The following HAUS4 variants were observed in gnomAD, a reference collection of about 807,000 sequenced individuals.
The protein encoded by HAUS4 is HAUS augmin like complex subunit 4, also known as HAUS augmin-like complex subunit 4.
HAUS4 carries 34 observed loss-of-function variants against 50.6 expected under a neutral mutation model. The ratio of observed to expected loss-of-function variants is 0.67; its 90% CI spans 0.51 to 0.90. HAUS4 has a LOEUF of 0.90. Among genes scored for constraint, HAUS4 ranks in the 40% least tolerant of loss-of-function variants. HAUS4 has a pLI of 0.00. For missense variants in HAUS4, 370 were observed against 428.7 expected (o/e 0.86, Z 1.21); for synonymous variants, 149 against 161.4 (o/e 0.92, Z 0.58).
intron 6 of HAUS4, among the ~76,000 whole-genome samples, chr14:22,949,445 C>T (rs1302103984): frequency 7.0e-6 from 1 of 143,510 alleles, no homozygotes; most frequent in Non-Finnish European, 1.5e-5. Context: ...AGGAGAATGG[C>T]GTGAACCTAG....
At chr14:22,948,094 T>A in intron 6 of HAUS4, 81 bp from the exon 7 acceptor site, 1 of 1,334,772 alleles carries the variant, frequency 7.5e-7, no homozygotes, top group Non-Finnish European at 1.0e-6. Context: ...GCCCCTATCC[T>A]GTATCTAGAC....
intron 5 of HAUS4, 107 bp from the exon 6 acceptor site, chr14:22,950,517 A>C (rs528886824): frequency 1.6e-6 from 1 of 625,130 alleles, no homozygotes; most frequent in South Asian, 1.9e-5. Flanking sequence ...AAGAAAATGC[A>C]TCAAGAGACA....
chr14:22,946,683 G>A lies in HAUS4; in HGVS notation c.934C>T (p.Leu312=). 6.2e-7 allele frequency: 1 copy of A among 1,612,766 alleles called. No homozygotes were observed. The highest frequency in any genetic ancestry group is 8.5e-7 in the Non-Finnish European group (1 of 1,179,184). ...GAGTTCTCCATGTCCTGCTCCTGTA[G>A]GTGAATGGCTCCCTCCAAACGGTCC... is the stretch of plus-strand genomic sequence containing the variant. ...IRDRLEGAIH[L]QEQDMENSRQ... The change falls in exon 10 of 10, where the codon CTA becomes TTA. Residue 312 remains leucine, a synonymous_variant. Coordinates refer to ENST00000541587, the MANE Select transcript of HAUS4 (RefSeq NM_001166269.2).
intron 1 of HAUS4, among the ~76,000 whole-genome samples, chr14:22,955,892 T>A (rs1159203056): frequency 6.6e-6 from 1 of 151,924 alleles, no homozygotes; most frequent in Non-Finnish European, 1.5e-5. Context: ...TGGAGTGCGC[T>A]GAAAGGAATG....
At chr14:22,955,296 C>T (rs1165737855) in intron 1 of HAUS4, 120 bp from the exon 2 acceptor site, 11 of 733,480 alleles carry the variant, frequency 1.5e-5, no homozygotes, top group Non-Finnish European at 2.7e-5. Context: ...TCAAGGATGA[C>T]TTTTACAGAG....
Position 22,951,505 on chromosome 14 carries a change from G to T in HAUS4, c.465+50C>A, listed in dbSNP as rs201746840. On this transcript the variant is annotated intron_variant, in intron 5 of 9. Coordinates refer to ENST00000541587, the MANE Select transcript of HAUS4 (RefSeq NM_001166269.2). ...ACAAAAAAAACATTTTAAAGATATG[G>T]GAGAAATTAAACCATTTCATTTATT... 3.1e-6 allele frequency: 5 copies of T among 1,590,280 alleles called. No homozygotes were observed. In the East Asian group the frequency reaches 6.7e-5, roughly 21 times the overall value.
Position 22,946,376 on chromosome 14 carries a change from A to G in HAUS4, c.*149T>C, listed in dbSNP as rs1477499436. 6.2e-5 allele frequency: 31 copies of G among 498,606 alleles called. No individual in the cohort carries two copies. The East Asian group carries it at 9.8e-4, about 16-fold the overall frequency. 30.9% of individuals were successfully genotyped at this position (498,606 alleles called of 1,614,324 possible). ...TCATAAAAAATAAAGAGAAACCAGGAGAGTGCCTAAATGACTGCAGTGTTT... is the reference window on the plus strand; with the variant it reads ...TCATAAAAAATAAAGAGAAACCAGGGGAGTGCCTAAATGACTGCAGTGTTT... On this transcript the variant is annotated 3_prime_UTR_variant, in exon 10 of 10. Transcript: ENST00000541587.
chr14:22,948,583 C>T (rs12717427), intron 6 of HAUS4, among the ~76,000 whole-genome samples: 71,755 of 151,274 alleles, frequency 0.47, 18,634 homozygotes, highest in East Asian at 0.79. Flanking sequence ...TCACCTCGGC[C>T]GGAGTGCAGT....
intron 4 of HAUS4, 83 bp downstream of exon 4, chr14:22,952,245 T>G: frequency 1.8e-6 from 2 of 1,126,982 alleles, no homozygotes; most frequent in Non-Finnish European, 2.6e-6. Flanking sequence ...CTCAAACTCT[T>G]GACCTCAAGT....
At position 22,950,556 on chromosome 14, in the gene HAUS4, A is replaced by G. The variant is rs2044734601; in HGVS notation, c.466-146T>C. The G allele has an allele frequency of 1.6e-5, 9 of 575,726 alleles. No individual in the cohort carries two copies. In the South Asian group the frequency reaches 1.9e-4, roughly 12 times the overall value. The allele number at this position is 575,726 out of a possible 1,614,324, so 35.7% of individuals were successfully genotyped here. A position where few individuals can be genotyped will look rare whatever the true frequency, so the allele number is the denominator to read the frequency against. On this transcript the variant is annotated intron_variant, in intron 5 of 9. Coordinates refer to ENST00000541587, the MANE Select transcript of HAUS4 (RefSeq NM_001166269.2). ...GAGAGACTCATTTTTCACCTATCAA[A>G]TTAGCGAAGAATAAAATGACTGTCA...
rs1462172695 is a variant in HAUS4 at position 22,947,589 on chromosome 14, G to T, written c.839+12C>A. 1 of 1,613,860 alleles carries T rather than the reference G, an allele frequency of 6.2e-7. No homozygotes were observed. Among genetic ancestry groups the T allele is most frequent in the Non-Finnish European group, 8.5e-7 (1 of 1,179,854 alleles). On this transcript the variant is annotated intron_variant, in intron 8 of 9. Transcript: ENST00000541587. ...ACAGAATCCCTTAAGATCCACAGGGGTCACAGCTCACCTCAGCTTAAGGAT... is the reference window on the plus strand; with the variant it reads ...ACAGAATCCCTTAAGATCCACAGGGTTCACAGCTCACCTCAGCTTAAGGAT...
rs2044645649 is a variant in HAUS4, at chr14:22,946,556, G to A, written c.1061C>T (p.Ala354Val). 1 of 1,613,822 alleles carries A rather than the reference G, an allele frequency of 6.2e-7. No individual in the cohort carries two copies. The highest frequency in any genetic ancestry group is 1.1e-5 in the South Asian group (1 of 91,048). The change falls in exon 10 of 10, where the codon GCC becomes GTC. Residue 354 changes from alanine (A) to valine (V), a missense_variant. By Grantham distance (64) the Ala-to-Val change is moderately conservative (BLOSUM62 0). Coordinates refer to ENST00000541587, the MANE Select transcript of HAUS4 (RefSeq NM_001166269.2). ...GTAGACCTTGCTGAACTCCTGGAGGGCCCACCGCTTGTTCTCTGTTGCCTG... is the reference window on the plus strand; with the variant it reads ...GTAGACCTTGCTGAACTCCTGGAGGACCCACCGCTTGTTCTCTGTTGCCTG... The part of the protein sequence containing the change: ...LKQATENKRW[A>V]LQEFSKVYR
rs760193134 is a variant in HAUS4, at chr14:22,947,985, T to C, written c.591A>G (p.Ala197=). 1.2e-6 allele frequency: 2 copies of C among 1,613,322 alleles called. No homozygotes were observed. The highest frequency in any genetic ancestry group is 4.5e-5 in the East Asian group (2 of 44,876). Residue 197 remains alanine, a synonymous_variant, in exon 7 of 10, where the codon GCA becomes GCG. Coordinates refer to ENST00000541587, the MANE Select transcript of HAUS4 (RefSeq NM_001166269.2). ...GGACCTCTGCGAGTTTCCACACCTT[T>C]GCTGCCTTCACGGTTTCACTGTCAG... ...SDADSETVKA[A]KVWKLAEVLV... is the part of the protein sequence containing the mutation.
intron 5 of HAUS4, among the ~76,000 whole-genome samples, chr14:22,951,246 C>T (rs1372071483): frequency 1.3e-5 from 2 of 151,244 alleles, no homozygotes; most frequent in Non-Finnish European, 2.9e-5. Flanking sequence ...CTCAAGTGAT[C>T]CTCCCACCTC....
chr14:22,952,922 G>C (rs2044783119), intron 2 of HAUS4, among the ~76,000 whole-genome samples: 1 of 152,122 alleles, frequency 6.6e-6, no homozygotes, highest in Admixed American at 6.5e-5. Context: ...AAGATCTTAG[G>C]AAACGGAAAT....
At chr14:22,952,293 C>T in intron 4 of HAUS4, 35 bp downstream of exon 4, 1 of 1,582,510 alleles carries the variant, frequency 6.3e-7, no homozygotes, top group Non-Finnish European at 8.7e-7. Flanking sequence ...GCTGGGATTA[C>T]AGGTGTTAGC....
At chr14:22,947,384 G>T (rs2044664338) in intron 8 of HAUS4, 145 bp from the exon 9 acceptor site, 1 of 737,670 alleles carries the variant, frequency 1.4e-6, no homozygotes, top group Non-Finnish European at 2.3e-6. Context: ...CCGAGCAATT[G>T]ATCTCACAGT....
chr14:22,956,799 T>G (rs1235087774), intron 1 of HAUS4, 117 bp downstream of exon 1: 1 of 153,856 alleles, frequency 6.5e-6, no homozygotes, highest in Non-Finnish European at 1.5e-5. Flanking sequence ...CTACTTCCCT[T>G]CTGTCTGGGC....
At chr14:22,955,311 T>C in intron 1 of HAUS4, 135 bp from the exon 2 acceptor site, 1 of 671,374 alleles carries the variant, frequency 1.5e-6, no homozygotes, top group Admixed American at 2.4e-5. Context: ...ACAGAGGGCC[T>C]ATACCACACA....
Sources: allele counts gnomAD v4.1 joint callset (sites outside exome capture counted in the v4.1 genomes callset), GRCh38; gene constraint gnomAD v4.1.1; transcripts MANE v1.5; gene names NCBI Gene and HGNC (gene_info 2026-07-23, HGNC 2026-07-21).